The following CD163L1 variants were observed in gnomAD, a reference collection of about 807,000 sequenced individuals.
CD163L1 encodes the protein scavenger receptor cysteine-rich type 1 protein M160.
A neutral mutation model predicts 165.4 loss-of-function variants in CD163L1; 124 were observed. The observed-to-expected ratio is 0.75, with a 90% CI of 0.65 to 0.87. The LOEUF is 0.87. Among genes scored for constraint, CD163L1 ranks in the 40% least tolerant of loss-of-function variants. The pLI, the probability that CD163L1 is intolerant of heterozygous loss-of-function variation, is 0.00. For synonymous variants in CD163L1, 585 were observed against 662.2 expected (o/e 0.88, Z 1.79); for missense variants, 1,525 against 1,799.9 (o/e 0.85, Z 2.76).
the CD163L1 span, chr12:7,320,878 G>A: frequency 7.9e-7 from 1 of 1,270,516 alleles, no homozygotes; most frequent in Non-Finnish European, 1.1e-6. Flanking sequence ...CTCTTTTTCA[G>A]CATAGGATAG....
chr12:7,327,875 A>T, the CD163L1 span, among the ~76,000 whole-genome samples: 1 of 152,148 alleles, frequency 6.6e-6, no homozygotes, highest in Non-Finnish European at 1.5e-5. Context: ...GCAGAAGGGA[A>T]AACTGTATAT....
intron 2 of CD163L1, among the ~76,000 whole-genome samples, chr12:7,436,837 T>A (rs1948721339): frequency 1.3e-5 from 2 of 151,818 alleles, no homozygotes; most frequent in East Asian, 3.9e-4. Flanking sequence ...ATTTGAAAAA[T>A]TACTGAAATA....
At chr12:7,412,940 C>T (rs1173076930) in intron 4 of CD163L1, among the ~76,000 whole-genome samples, 2 of 151,386 alleles carry the variant, frequency 1.3e-5, no homozygotes, top group South Asian at 2.1e-4. Flanking sequence ...ACTAAAAATA[C>T]AAAAAATTAG....
intron 18 of CD163L1, among the ~76,000 whole-genome samples, chr12:7,360,428 C>T (rs1946868224): frequency 6.6e-6 from 1 of 152,128 alleles, no homozygotes; most frequent in Non-Finnish European, 1.5e-5. Context: ...CAGGCATGAG[C>T]CACCACACAC....
At chr12:7,441,056 T>C (rs1948825295) in intron 2 of CD163L1, 98 bp downstream of exon 2, 1 of 790,794 alleles carries the variant, frequency 1.3e-6, no homozygotes, top group African/African-American at 1.7e-5. Flanking sequence ...TATTTTTACA[T>C]GTTCTATTTC....
intron 4 of CD163L1, among the ~76,000 whole-genome samples, chr12:7,431,173 T>C (rs749623859): frequency 6.6e-6 from 1 of 152,148 alleles, no homozygotes; most frequent in African/African-American, 2.4e-5. Context: ...CTGTAATCCC[T>C]GCACTTTGGG....
chr12:7,320,943 G>A, the CD163L1 span: 16 of 782,578 alleles, frequency 2.0e-5, no homozygotes, highest in African/African-American at 6.8e-5. Context: ...TAATTCTATC[G>A]TCGGAGGACG....
chr12:7,323,541 G>C, the CD163L1 span: 6 of 1,613,536 alleles, frequency 3.7e-6, no homozygotes, highest in Non-Finnish European at 5.1e-6. Context: ...CGGCCCTTCT[G>C]TTTCTTCTCT....
intron 2 of CD163L1, among the ~76,000 whole-genome samples, chr12:7,435,307 C>T (rs935833095): frequency 1.3e-5 from 2 of 151,522 alleles, no homozygotes; most frequent in Non-Finnish European, 2.9e-5. Flanking sequence ...TGAAAAGTCA[C>T]AAATGTGAAG....
At chr12:7,411,915 T>G (rs1414791796) in intron 4 of CD163L1, among the ~76,000 whole-genome samples, 1 of 152,204 alleles carries the variant, frequency 6.6e-6, no homozygotes, top group Non-Finnish European at 1.5e-5. Flanking sequence ...TACAAACAAC[T>G]ATTAGCATCC....
chr12:7,409,408 G>C (rs1000178422), intron 4 of CD163L1, among the ~76,000 whole-genome samples: 9 of 152,032 alleles, frequency 5.9e-5, no homozygotes, highest in Admixed American at 3.3e-4. Context: ...GGGTCGGGGG[G>C]AATGGAGGGG....
chr12:7,437,924 A>T (rs1243671402), intron 2 of CD163L1, among the ~76,000 whole-genome samples: 24 of 151,968 alleles, frequency 1.6e-4, no homozygotes, highest in Non-Finnish European at 1.0e-4. Flanking sequence ...AAATTCTAAG[A>T]AAGTTTTCCA....
At chr12:7,361,854 C>A (rs979470100) in intron 18 of CD163L1, among the ~76,000 whole-genome samples, 1 of 151,872 alleles carries the variant, frequency 6.6e-6, no homozygotes, top group Non-Finnish European at 1.5e-5. Context: ...CCATCTATCT[C>A]CAAAATTCTT....
At chr12:7,388,715 G>A (rs1485268738) in intron 8 of CD163L1, among the ~76,000 whole-genome samples, 1 of 144,304 alleles carries the variant, frequency 6.9e-6, no homozygotes, top group African/African-American at 2.6e-5. Flanking sequence ...CTCCACCCCA[G>A]CCTGGACAAC....
intron 4 of CD163L1, among the ~76,000 whole-genome samples, chr12:7,408,134 T>C (rs1321209131): frequency 2.6e-5 from 4 of 151,892 alleles, no homozygotes; most frequent in Non-Finnish European, 5.9e-5. Flanking sequence ...CAAGAATACA[T>C]TGTCTGTCTG....
chr12:7,400,353 G>A lies in CD163L1; in HGVS notation c.1409-1769C>T, dbSNP rs1947893497. 6.6e-6 allele frequency among the ~76,000 whole-genome samples: 1 copy of A among 152,118 alleles called. No homozygotes were observed. Among genetic ancestry groups the A allele is most frequent in the South Asian group, 2.1e-4 (1 of 4,822 alleles). On this transcript the variant is annotated intron_variant, in intron 6 of 19. Transcript: ENST00000313599. The surrounding 1 kb of genome is among the most constrained non-coding windows in gnomAD (Gnocchi z 4.1). Reference sequence around the variant, plus strand: ...GTATATATAATATGTATCATTTCCAGATATACTAAATAAAAATTCATAGAA... The same window carrying A: ...GTATATATAATATGTATCATTTCCAAATATACTAAATAAAAATTCATAGAA...
chr12:7,437,747 C>G (rs962694728), intron 2 of CD163L1, among the ~76,000 whole-genome samples: 90 of 151,070 alleles, frequency 6.0e-4, no homozygotes, highest in African/African-American at 2.1e-3. Flanking sequence ...GGGAATCACC[C>G]TTGTATACTG....
chr12:7,425,679 G>C (rs1948528434), intron 4 of CD163L1, among the ~76,000 whole-genome samples: 1 of 152,072 alleles, frequency 6.6e-6, no homozygotes, highest in Non-Finnish European at 1.5e-5. Flanking sequence ...GATGTGAACA[G>C]ACATTATGTT....
chr12:7,343,083 T>C (rs1179307666), downstream of CD163L1, among the ~76,000 whole-genome samples: 1 of 151,984 alleles, frequency 6.6e-6, no homozygotes, highest in Non-Finnish European at 1.5e-5. Flanking sequence ...TAGAGGATAT[T>C]AGGGATGGGG....
Sources: allele counts gnomAD v4.1 joint callset (sites outside exome capture counted in the v4.1 genomes callset), GRCh38; gene constraint gnomAD v4.1.1; non-coding constraint Gnocchi (gnomAD v3.1); transcripts MANE v1.5; gene names NCBI Gene and HGNC (gene_info 2026-07-23, HGNC 2026-07-21).